The following EPHA6 variants were observed in gnomAD, a reference collection of about 807,000 sequenced individuals.
EPHA6 encodes the protein ephrin type-A receptor 6.
EPHA6 carries 50 observed loss-of-function variants against 112.0 expected under a neutral mutation model. That is an observed-to-expected ratio of 0.45 (90% CI 0.36 to 0.56). The LOEUF (loss-of-function observed/expected upper bound fraction) is 0.56. EPHA6 is among the 20% of genes least tolerant of loss of function. EPHA6 has a pLI of 0.00. For synonymous variants in EPHA6, 529 were observed against 490.7 expected (o/e 1.08, Z -1.03); for missense variants, 1,280 against 1,417.4 (o/e 0.90, Z 1.56).
At chr3:97,002,957 A>C (rs912814209) in intron 3 of EPHA6, among the ~76,000 whole-genome samples, 2 of 152,186 alleles carry the variant, frequency 1.3e-5, no homozygotes, top group African/African-American at 4.8e-5. Context: ...ACTAAATTAC[A>C]TGAAGTAGTA....
intron 3 of EPHA6, among the ~76,000 whole-genome samples, chr3:97,150,591 G>A (rs1344806099): frequency 6.6e-6 from 1 of 151,986 alleles, no homozygotes; most frequent in Non-Finnish European, 1.5e-5. Flanking sequence ...AACAACGTGG[G>A]TGCTGATACT....
intron 5 of EPHA6, among the ~76,000 whole-genome samples, chr3:97,309,994 G>A (rs568996309): frequency 6.6e-5 from 10 of 151,590 alleles, no homozygotes; most frequent in South Asian, 2.1e-4. Context: ...GAAGTTTCAC[G>A]AATACATCTG....
chr3:96,944,277 A>G (rs897101838), intron 2 of EPHA6, among the ~76,000 whole-genome samples: 2 of 152,162 alleles, frequency 1.3e-5, no homozygotes, highest in African/African-American at 2.4e-5. Flanking sequence ...TTTATCATAC[A>G]TAATAGCCAC....
chr3:97,622,468 A>T (rs1454241773), intron 13 of EPHA6, among the ~76,000 whole-genome samples: 1 of 151,780 alleles, frequency 6.6e-6, no homozygotes, highest in Non-Finnish European at 1.5e-5. Flanking sequence ...TTGTATGTAT[A>T]TGCCACATTT....
intron 2 of EPHA6, among the ~76,000 whole-genome samples, chr3:96,973,964 ATAT>A (rs1263643027): frequency 9.6e-5 from 14 of 146,012 alleles, no homozygotes; most frequent in African/African-American, 3.0e-4. Flanking sequence ...ATAAATATAC[ATAT>A]TATAACAGAA....
intron 13 of EPHA6, among the ~76,000 whole-genome samples, chr3:97,621,866 C>T (rs2093816789): frequency 6.6e-6 from 1 of 151,750 alleles, no homozygotes; most frequent in South Asian, 2.1e-4. Context: ...ATGGCTTGGT[C>T]CCAGGCAGAA....
At chr3:97,064,669 T>C (rs184551415) in intron 3 of EPHA6, among the ~76,000 whole-genome samples, 1 of 152,298 alleles carries the variant, frequency 6.6e-6, no homozygotes, top group African/African-American at 2.4e-5. Context: ...CTTTTCTTAT[T>C]AGTGCCGTTT....
chr3:97,149,431 A>G (rs541178109), intron 3 of EPHA6, among the ~76,000 whole-genome samples: 3 of 152,238 alleles, frequency 2.0e-5, no homozygotes, highest in South Asian at 4.1e-4. Context: ...GCAAGAATCT[A>G]TCATCTGTCA....
chr3:97,107,716 A>G (rs1289428110), intron 3 of EPHA6, among the ~76,000 whole-genome samples: 3 of 152,084 alleles, frequency 2.0e-5, no homozygotes, highest in African/African-American at 4.8e-5. Flanking sequence ...CATGTCTTCT[A>G]TTAGAATTTA....
At position 97,448,743 on chromosome 3, in the gene EPHA6, C is replaced by G; in HGVS notation, c.1894+13C>G. Reference sequence around the variant, plus strand: ...ACAGGAGATGAAAGTAAGTTTCACACAAGGATATAACATAAGATGTGAATT... The same window carrying G: ...ACAGGAGATGAAAGTAAGTTTCACAGAAGGATATAACATAAGATGTGAATT... On this transcript the variant is annotated intron_variant, in intron 7 of 17. Coordinates refer to ENST00000389672, the MANE Select transcript of EPHA6 (RefSeq NM_001080448.3). 6.2e-7 allele frequency: 1 copy of G among 1,611,612 alleles called. No individual in the cohort carries two copies. The highest frequency in any genetic ancestry group is 8.5e-7 in the Non-Finnish European group (1 of 1,177,968).
intron 14 of EPHA6, among the ~76,000 whole-genome samples, chr3:97,662,054 T>G (rs1302097950): frequency 1.3e-5 from 2 of 152,174 alleles, no homozygotes; most frequent in Non-Finnish European, 2.9e-5. Flanking sequence ...AGGGCTTCCT[T>G]ATAGGTCCTA....
intron 6 of EPHA6, among the ~76,000 whole-genome samples, chr3:97,444,693 G>A (rs984064503): frequency 6.6e-6 from 1 of 152,116 alleles, no homozygotes; most frequent in East Asian, 1.9e-4. Context: ...TATTGATACA[G>A]GCCCTGTTAT....
At chr3:97,000,128 CTG>C (rs1249742659) in intron 3 of EPHA6, among the ~76,000 whole-genome samples, 1 of 151,700 alleles carries the variant, frequency 6.6e-6, no homozygotes, top group Non-Finnish European at 1.5e-5. Flanking sequence ...AAGGCTATTA[CTG>C]TTGTGTAATA....
chr3:97,514,527 C>T (rs2092416691), intron 10 of EPHA6, among the ~76,000 whole-genome samples: 1 of 152,068 alleles, frequency 6.6e-6, no homozygotes, highest in African/African-American at 2.4e-5. Flanking sequence ...AAGCCATTAT[C>T]CAACCAACCA....
chr3:97,188,152 G>T (rs923043126), intron 3 of EPHA6, among the ~76,000 whole-genome samples: 5 of 151,974 alleles, frequency 3.3e-5, no homozygotes, highest in Non-Finnish European at 7.4e-5. Flanking sequence ...ATTCCTGATG[G>T]CATGTGCAAG....
intron 2 of EPHA6, among the ~76,000 whole-genome samples, chr3:96,951,212 TA>T (rs1250318482): frequency 6.6e-6 from 1 of 152,144 alleles, no homozygotes; most frequent in Admixed American, 6.5e-5. Context: ...TATACTTTTT[TA>T]TACTGTATTA....
At chr3:96,961,523 C>T (rs1242786672) in intron 2 of EPHA6, among the ~76,000 whole-genome samples, 1 of 152,180 alleles carries the variant, frequency 6.6e-6, no homozygotes, top group Non-Finnish European at 1.5e-5. Context: ...TCATTTTTTA[C>T]TTCGCTTAAT....
intron 3 of EPHA6, among the ~76,000 whole-genome samples, chr3:97,084,744 T>C (rs778968603): frequency 1.3e-5 from 2 of 152,002 alleles, no homozygotes; most frequent in African/African-American, 2.4e-5. Context: ...CTGAAAGATA[T>C]CAGAGACGAC....
chr3:97,572,933 C>T (rs115897894), intron 11 of EPHA6, among the ~76,000 whole-genome samples: 4,117 of 152,188 alleles, frequency 0.027, 75 homozygotes, highest in Middle Eastern at 0.054. Flanking sequence ...AGTCATGAGG[C>T]GGATTCATGT....
Sources: gnomAD v4.1 joint callset for allele counts (sites outside exome capture counted in the v4.1 genomes callset) on GRCh38, gnomAD v4.1.1 for gene constraint, MANE v1.5 for transcripts, NCBI Gene and HGNC (gene_info 2026-07-23, HGNC 2026-07-21) for gene names.